Variants in CAPG observed in about 807,000 individuals in gnomAD.
CAPG encodes macrophage-capping protein.
Under a neutral mutation model 44.6 loss-of-function variants are expected in CAPG, and 32 were observed. The ratio of observed to expected loss-of-function variants is 0.72; its 90% CI spans 0.54 to 0.96. The LOEUF is 0.96. Ranked by LOEUF, CAPG falls within the 50% of genes least tolerant of loss-of-function variation. The pLI is 0.00. For missense variants in CAPG, 412 were observed against 438.3 expected (o/e 0.94, Z 0.54); for synonymous variants, 175 against 179.6 (o/e 0.97, Z 0.20).
At chr2:85,411,454 G>A (rs1404648499), upstream of CAPG, among the ~76,000 whole-genome samples, 1 of 152,244 alleles carries the variant, frequency 6.6e-6, no homozygotes, top group Admixed American at 6.5e-5. Flanking sequence ...AACACACAGG[G>A]AGTGGAAGCC....
intron 8 of CAPG, among the ~76,000 whole-genome samples, chr2:85,397,493 G>A (rs1370840375): frequency 6.6e-6 from 1 of 152,080 alleles, no homozygotes; most frequent in Non-Finnish European, 1.5e-5. Context: ...TGCATCACTT[G>A]AGGTCAGAAG....
In CAPG at chr2:85,401,340, G is replaced by A. The variant is rs1288550408; in HGVS notation, c.352-11C>T. The A allele has an allele frequency of 6.2e-7, 1 of 1,613,042 alleles. No homozygotes were observed. Among genetic ancestry groups the A allele is most frequent in the South Asian group, 1.1e-5 (1 of 90,976 alleles). On this transcript the variant is annotated splice_polypyrimidine_tract_variant and intron_variant, in intron 4 of 9. Transcript: ENST00000263867. ...CTCCACACCACCTTCCTGCAGCCCA[G>A]ACGGCCCATCTGAGTGGACTGACAG... is the stretch of plus-strand genomic sequence containing the variant.
intron 1 of CAPG, among the ~76,000 whole-genome samples, chr2:85,416,589 G>A (rs1687557265): frequency 6.6e-6 from 1 of 151,950 alleles, no homozygotes; most frequent in African/African-American, 2.4e-5. Flanking sequence ...TCAGCTCACT[G>A]CAACCTTCCC....
At chr2:85,401,430 C>T (rs1297674899) in intron 4 of CAPG, 99 bp downstream of exon 4, 3 of 1,579,168 alleles carry the variant, frequency 1.9e-6, no homozygotes, top group East Asian at 4.5e-5. Flanking sequence ...GACCCGGCTC[C>T]AAAGGCACCC....
At chr2:85,392,493 C>T (rs1474924064), downstream of CAPG, among the ~76,000 whole-genome samples, 1 of 152,048 alleles carries the variant, frequency 6.6e-6, no homozygotes, top group Non-Finnish European at 1.5e-5. Context: ...CGGACCCCCT[C>T]AAGTGGAATG....
At position 85,395,093 on chromosome 2, in the gene CAPG, GA is replaced by G; in HGVS notation, c.982-136del. Reference sequence around the variant, plus strand: ...TGAATCCATGTGCAGTCCAGGCTGGGAAAGCTCCCCTGGATGAGCCATGAGA... The same window carrying G: ...TGAATCCATGTGCAGTCCAGGCTGGGAAGCTCCCCTGGATGAGCCATGAGA... On this transcript the variant is annotated intron_variant, in intron 9 of 9. Transcript: ENST00000263867. This position sits in a 1 kb window ranked among gnomAD's most constrained non-coding sequence, Gnocchi z 4.3. 3 of 684,772 alleles carry G rather than the reference GA, an allele frequency of 4.4e-6. No homozygotes were observed. The highest frequency in any genetic ancestry group is 5.4e-5 in the East Asian group (2 of 36,998). 42.4% of individuals were successfully genotyped at this position (684,772 alleles called of 1,614,324 possible). A position where few individuals can be genotyped will look rare whatever the true frequency, so the allele number is the denominator to read the frequency against.
chr2:85,401,907 C>T lies in CAPG; in HGVS notation c.74G>A (p.Arg25Gln), dbSNP rs760943110. The T allele has an allele frequency of 1.3e-5, 21 of 1,613,960 alleles. No individual in the cohort carries two copies. Among genetic ancestry groups the T allele is most frequent in the African/African-American group, 4.0e-5 (3 of 74,908 alleles). The change falls in exon 3 of 10, where the codon CGG (arginine) becomes CAG (glutamine). Residue 25 changes from arginine to glutamine, a missense_variant. By Grantham distance (43) the Arg-to-Gln change is conservative. Transcript: ENST00000263867. ...SVQDPGLHVWRVEKLKPVPVA... is the reference protein window; with the variant it reads ...SVQDPGLHVWQVEKLKPVPVA... ...AGGCACCGGCTTCAGCTTCTCCACC[C>T]GCCACACATGCAGGCCTGGATCCTG...
Position 85,399,326 on chromosome 2 carries a change from T to C in CAPG, c.517-41A>G, listed in dbSNP as rs199895097. 2.7e-5 allele frequency: 44 copies of C among 1,604,858 alleles called. No individual in the cohort carries two copies. The East Asian group carries it at 8.5e-4, about 31-fold the overall frequency. ...AAAGTCCGGGTCAGAGCCAGATGCC[T>C]GTGTCCTGCTCCCCAGCTCAGAGAA... On this transcript the variant is annotated intron_variant, in intron 5 of 9. Transcript: ENST00000263867.
At position 85,401,964 on chromosome 2, in the gene CAPG, GAAGA is replaced by G. The variant is rs755770464; in HGVS notation, c.24-11_24-8del. ...GCCTGGGAATGGAGAGCCACTGCGA[GAAGA>G]GAGAGGGTTGACAGCAGCCTGGACC... On this transcript the variant is annotated splice_region_variant and splice_polypyrimidine_tract_variant and intron_variant, in intron 2 of 9. Coordinates refer to ENST00000263867, the MANE Select transcript of CAPG (RefSeq NM_001747.4). 3 of 1,614,010 alleles carry G rather than the reference GAAGA, an allele frequency of 1.9e-6. No individual in the cohort carries two copies. The highest frequency in any genetic ancestry group is 2.5e-6 in the Non-Finnish European group (3 of 1,179,962).
At chr2:85,397,880 G>C in intron 8 of CAPG, 140 bp downstream of exon 8, 1 of 849,164 alleles carries the variant, frequency 1.2e-6, no homozygotes, top group Non-Finnish European at 1.9e-6. Flanking sequence ...TTTAAAGAGA[G>C]AAAATGGTCA....
At chr2:85,392,837 G>A (rs1686434517), downstream of CAPG, among the ~76,000 whole-genome samples, 1 of 152,190 alleles carries the variant, frequency 6.6e-6, no homozygotes. Context: ...CCACTTTGGA[G>A]TATCAGGTTG....
At chr2:85,410,973 G>A (rs1413696040), upstream of CAPG, among the ~76,000 whole-genome samples, 2 of 151,066 alleles carry the variant, frequency 1.3e-5, no homozygotes, top group East Asian at 1.9e-4. Flanking sequence ...CGATCCTCCT[G>A]CCTCAGCCTC....
chr2:85,398,224 G>GACCAGCCTCCCC, intron 7 of CAPG, 72 bp from the exon 8 acceptor site: 1 of 1,558,044 alleles, frequency 6.4e-7, no homozygotes, highest in Non-Finnish European at 8.7e-7. Context: ...GGAGGGGGAG[G>GACCAGCCTCCCC]CTGGTCCTCC....
rs1435355717 is a variant in CAPG at position 85,401,664 on chromosome 2, AT to A, written c.215del (p.Asp72ValfsTer36). On this transcript the variant is annotated frameshift_variant, in exon 4 of 10. Transcript: ENST00000263867. LOFTEE classifies it high-confidence loss of function. ...HLWIGQQSSR[D>X]EQGACAVLAV... ...CCAGCACGGCACAGGCCCCCTGCTC[AT>A]CCCGGGATGACTGCTGGCCTGGGAC... The A allele has an allele frequency of 3.7e-6, 6 of 1,614,012 alleles. No homozygotes were observed. The African/African-American group carries it at 8.0e-5, about 22-fold the overall frequency.
chr2:85,395,052 G>T lies in CAPG; in HGVS notation c.982-94C>A. 1.2e-6 allele frequency: 1 copy of T among 849,566 alleles called. No homozygotes were observed. The highest frequency in any genetic ancestry group is 2.0e-6 in the Non-Finnish European group (1 of 502,960). The allele number at this position is 849,566 out of a possible 1,614,324, so 52.6% of individuals were successfully genotyped here. On this transcript the variant is annotated intron_variant, in intron 9 of 9. Transcript: ENST00000263867. This position sits in a 1 kb window ranked among gnomAD's most constrained non-coding sequence, Gnocchi z 4.3. Reference sequence around the variant, plus strand: ...GAGGGGGCCAGAGCCAGGGAGGAGGGTGTGGGCGCCTGGCCTGAATCCATG... The same window carrying T: ...GAGGGGGCCAGAGCCAGGGAGGAGGTTGTGGGCGCCTGGCCTGAATCCATG...
Position 85,398,592 on chromosome 2 carries a change from C to T in CAPG, c.759+98G>A, listed in dbSNP as rs1430128607. 15 of 1,011,598 alleles carry T rather than the reference C, an allele frequency of 1.5e-5. No individual in the cohort carries two copies. The East Asian group carries it at 3.9e-4, about 26-fold the overall frequency. 62.7% of individuals were successfully genotyped at this position (1,011,598 alleles called of 1,614,324 possible). ...CACCTCGGTTCCAGCCCCACCTTCC[C>T]CCTGCCTTCTCCCCTCCACCCTGCT... On this transcript the variant is annotated intron_variant, in intron 7 of 9. Coordinates refer to ENST00000263867, the MANE Select transcript of CAPG (RefSeq NM_001747.4).
chr2:85,403,488 A>G (rs185776559), intron 1 of CAPG, among the ~76,000 whole-genome samples: 10 of 152,370 alleles, frequency 6.6e-5, no homozygotes, highest in Admixed American at 6.5e-4. Context: ...ACACTTCTCA[A>G]TTCATCCTAT....
At chr2:85,401,074 A>G in intron 5 of CAPG, 91 bp downstream of exon 5, 1 of 1,274,462 alleles carries the variant, frequency 7.8e-7, no homozygotes, top group Non-Finnish European at 1.1e-6. Flanking sequence ...ACGGCTTCTC[A>G]GCTTCTCTCC....
Position 85,395,468 on chromosome 2 carries a change from C to A in CAPG, c.981+70G>T, listed in dbSNP as rs1686547121. ...CCCAAGGCTCTCCTGCCCTTCCTGG[C>A]CAATTTGAGGGGTCAGGGGCCACAG... On this transcript the variant is annotated intron_variant, in intron 9 of 9. Transcript: ENST00000263867. The surrounding 1 kb of genome is among the most constrained non-coding windows in gnomAD (Gnocchi z 4.3). The A allele has an allele frequency of 1.5e-6, 2 of 1,328,566 alleles. No individual in the cohort carries two copies. Among genetic ancestry groups the A allele is most frequent in the Non-Finnish European group, 2.1e-6 (2 of 937,250 alleles). 82.3% of individuals were successfully genotyped at this position (1,328,566 alleles called of 1,614,324 possible).
Sources: allele counts gnomAD v4.1 joint callset (sites outside exome capture counted in the v4.1 genomes callset), GRCh38; gene constraint gnomAD v4.1.1; non-coding constraint Gnocchi (gnomAD v3.1); transcripts MANE v1.5; gene names NCBI Gene and HGNC (gene_info 2026-07-23, HGNC 2026-07-21).